The following MIGA1 variants were observed in gnomAD, a reference collection of about 807,000 sequenced individuals.
MIGA1 encodes the protein family with sequence similarity 73, member A.
A neutral mutation model predicts 82.0 loss-of-function variants in MIGA1; 58 were observed. The ratio of observed to expected loss-of-function variants is 0.71; its 90% confidence interval spans 0.57 to 0.88. The LOEUF is 0.88. Among genes scored for constraint, MIGA1 ranks in the 40% least tolerant of loss-of-function variants. MIGA1 has a pLI of 0.00. For missense variants in MIGA1, 751 were observed against 749.1 expected (o/e 1.00, Z -0.03); for synonymous variants, 249 against 253.6 (o/e 0.98, Z 0.17).
chr1:77,844,113 A>AATATATATATATATAT (rs869208869), intron 8 of MIGA1, among the ~76,000 whole-genome samples: 3 of 90,148 alleles, frequency 3.3e-5, no homozygotes, highest in African/African-American at 1.4e-4. Context: ...AAAAAAAAAA[A>AATATATATATATATAT]ATATATATAT....
chr1:77,840,769 G>A (rs549265611), intron 7 of MIGA1, among the ~76,000 whole-genome samples: 74 of 151,934 alleles, frequency 4.9e-4, no homozygotes, highest in Non-Finnish European at 8.4e-4. Flanking sequence ...CCAAGGTCGC[G>A]CCATTGCACT....
chr1:77,823,952 C>T lies in MIGA1; in HGVS notation c.895+8721C>T, dbSNP rs984113807. 5.3e-5 allele frequency among the ~76,000 whole-genome samples: 8 copies of T among 152,124 alleles called. 1 individual carries two copies. The highest frequency in any genetic ancestry group is 1.9e-4 in the East Asian group (1 of 5,200). On this transcript the variant is annotated intron_variant, in intron 7 of 15. Coordinates refer to ENST00000370791, the MANE Select transcript of MIGA1 (RefSeq NM_198549.4). The stretch of plus-strand genomic sequence containing the variant: ...CCTATAAACCATACTGTTGTTTATA[C>T]GCATGGGAACTTCTGCAAGTGATTT...
At chr1:77,833,054 A>G (rs1267306190) in intron 7 of MIGA1, among the ~76,000 whole-genome samples, 1 of 152,204 alleles carries the variant, frequency 6.6e-6, no homozygotes, top group Non-Finnish European at 1.5e-5. Context: ...GTAAGCAGCC[A>G]GATAGAACAT....
At chr1:77,799,866 A>C (rs1403467177) in intron 2 of MIGA1, among the ~76,000 whole-genome samples, 7 of 151,466 alleles carry the variant, frequency 4.6e-5, no homozygotes, top group African/African-American at 1.5e-4. Context: ...AAAAAAAAAA[A>C]CCAGCTGTTG....
At chr1:77,826,996 G>A (rs1055788417) in intron 7 of MIGA1, among the ~76,000 whole-genome samples, 3 of 148,442 alleles carry the variant, frequency 2.0e-5, no homozygotes, top group African/African-American at 7.5e-5. Context: ...TAGCTGAAAT[G>A]GGATTTCACC....
intron 5 of MIGA1, among the ~76,000 whole-genome samples, chr1:77,811,958 G>A (rs1326034984): frequency 1.3e-5 from 2 of 152,182 alleles, no homozygotes; most frequent in African/African-American, 4.8e-5. Flanking sequence ...TTATGAGGAA[G>A]ATTCAAAAGC....
At chr1:77,856,823 C>T (rs1685277210) in intron 8 of MIGA1, among the ~76,000 whole-genome samples, 1 of 152,010 alleles carries the variant, frequency 6.6e-6, no homozygotes, top group Admixed American at 6.6e-5. Flanking sequence ...TTTCAAAGAG[C>T]CAGCTTTTTG....
At chr1:77,843,090 C>A (rs1020257335) in intron 7 of MIGA1, among the ~76,000 whole-genome samples, 1 of 152,184 alleles carries the variant, frequency 6.6e-6, no homozygotes, top group Non-Finnish European at 1.5e-5. Flanking sequence ...AAGCTTAATT[C>A]CTTTTTAAAT....
In MIGA1 at chr1:77,861,268, T is replaced by G. The variant is rs1685444409; in HGVS notation, c.1320T>G (p.Phe440Leu). ...ATGTTTTTGATGAAATGATCTATTTTTTAGAGCAGACCGATCACTGGGGTA... is the reference window on the plus strand; with the variant it reads ...ATGTTTTTGATGAAATGATCTATTTGTTAGAGCAGACCGATCACTGGGGTA... Residue 440 changes from phenylalanine to leucine, a missense_variant, in exon 12 of 16, where the codon TTT (phenylalanine) becomes TTG (leucine). This residue lies in a region of MIGA1 where 265 missense variants were observed against 293.6 expected (regional missense o/e 0.90). Transcript: ENST00000370791. 3 of 1,613,790 alleles carry G rather than the reference T, an allele frequency of 1.9e-6. No individual in the cohort carries two copies. The highest frequency in any genetic ancestry group is 1.3e-5 in the African/African-American group (1 of 75,054).
chr1:77,851,876 CTTT>C (rs374230686), intron 8 of MIGA1, among the ~76,000 whole-genome samples: 1 of 120,360 alleles, frequency 8.3e-6, no homozygotes, highest in East Asian at 2.8e-4. Flanking sequence ...AGTTTTCTTT[CTTT>C]TTTTTTTTTT....
chr1:77,813,897 TA>T, intron 6 of MIGA1, 30 bp downstream of exon 6: 1 of 1,609,518 alleles, frequency 6.2e-7, no homozygotes, highest in East Asian at 2.2e-5. Context: ...GTGGTCTTCA[TA>T]ATATTAGAAG....
chr1:77,811,263 A>G (rs754924228), intron 5 of MIGA1: 129 of 1,584,896 alleles, frequency 8.1e-5, no homozygotes, highest in Admixed American at 2.8e-4. Flanking sequence ...CAATTTTCGC[A>G]ATTCTGATAG....
At chr1:77,795,011 C>T (rs963925853) in intron 2 of MIGA1, among the ~76,000 whole-genome samples, 4 of 150,982 alleles carry the variant, frequency 2.6e-5, no homozygotes, top group African/African-American at 9.8e-5. Context: ...TTGCCCAGGC[C>T]GGAGTGCAGT....
rs772744060 is a variant in MIGA1 at position 77,783,309 on chromosome 1, A to G, written c.153A>G (p.Arg51=). ...TTTCCTTGAAGACAGCAGCGCTAAG[A>G]GTGTTTGATCTTCCTCTGACTTGGT... The change falls in exon 2 of 16, where the codon AGA becomes AGG. Residue 51 remains arginine (R), a synonymous_variant. Coordinates refer to ENST00000370791, the MANE Select transcript of MIGA1 (RefSeq NM_198549.4). 1.2e-6 allele frequency: 2 copies of G among 1,603,722 alleles called. No individual in the cohort carries two copies. The highest frequency in any genetic ancestry group is 2.7e-5 in the African/African-American group (2 of 74,824).
intron 7 of MIGA1, among the ~76,000 whole-genome samples, chr1:77,840,251 A>G (rs907107346): frequency 9.9e-5 from 15 of 152,196 alleles, no homozygotes; most frequent in African/African-American, 3.6e-4. Context: ...ATGGACTTGG[A>G]TTTAATGAGT....
intron 2 of MIGA1, among the ~76,000 whole-genome samples, chr1:77,800,507 A>G (rs1209466400): frequency 6.6e-6 from 1 of 152,206 alleles, no homozygotes; most frequent in African/African-American, 2.4e-5. Flanking sequence ...CATTCTTTCC[A>G]GCTCTCAACA....
chr1:77,799,761 ACTC>A (rs1432248943), intron 2 of MIGA1, among the ~76,000 whole-genome samples: 1 of 141,860 alleles, frequency 7.0e-6, no homozygotes, highest in Non-Finnish European at 1.5e-5. Context: ...TGCAGTAATG[ACTC>A]CTCCTCTTTT....
At chr1:77,803,769 G>A (rs1216016522) in intron 4 of MIGA1, among the ~76,000 whole-genome samples, 1 of 152,216 alleles carries the variant, frequency 6.6e-6, no homozygotes, top group African/African-American at 2.4e-5. Context: ...GAAAGGTAAC[G>A]GGGGGTGGAG....
intron 8 of MIGA1, among the ~76,000 whole-genome samples, chr1:77,851,330 A>G (rs1288618283): frequency 2.6e-5 from 4 of 152,184 alleles, no homozygotes; most frequent in Admixed American, 6.5e-5. Context: ...GGAGAAGAAT[A>G]ATTTCAAAAT....
Sources: gnomAD v4.1 joint callset for allele counts (sites outside exome capture counted in the v4.1 genomes callset) on GRCh38, gnomAD v4.1.1 for gene constraint, gnomAD v4.1.1 regional missense constraint, MANE v1.5 for transcripts, NCBI Gene and HGNC (gene_info 2026-07-23, HGNC 2026-07-21) for gene names.